Variants in ANKRD18A observed in about 807,000 individuals in gnomAD.
ANKRD18A encodes the protein ankyrin repeat domain 18A, also known as ankyrin repeat domain-containing protein 18A.
A neutral mutation model predicts 110.6 loss-of-function variants in ANKRD18A; 72 were observed. The ratio of observed to expected loss-of-function variants is 0.65; its 90% CI spans 0.54 to 0.79. The LOEUF is 0.79. ANKRD18A is among the 30% of genes least tolerant of loss of function. The probability of loss-of-function intolerance (pLI) is 0.00; values close to 1 mark genes in which losing one functional copy is unlikely to be tolerated. For missense variants in ANKRD18A, 934 were observed against 1,163.3 expected, an observed-to-expected ratio of 0.80 and a Z score of 2.87; for synonymous variants, 305 against 410.3, an observed-to-expected ratio of 0.74 and a Z score of 3.10.
chr9:38,620,038 G>A (rs1306169604), intron 1 of ANKRD18A, 42 bp downstream of exon 1: 7 of 1,545,274 alleles, frequency 4.5e-6, no homozygotes, highest in Non-Finnish European at 5.2e-6. Context: ...GGGAAGCCGG[G>A]CCTGCGGCCC....
intron 5 of ANKRD18A, among the ~76,000 whole-genome samples, chr9:38,607,905 T>C (rs569762234): frequency 6.6e-6 from 1 of 152,352 alleles, no homozygotes; most frequent in Non-Finnish European, 1.5e-5. Context: ...GAAAACATGT[T>C]TAAATGTTCA....
intron 1 of ANKRD18A, among the ~76,000 whole-genome samples, chr9:38,619,405 T>A (rs1825992457): frequency 6.6e-6 from 1 of 152,220 alleles, no homozygotes; most frequent in Non-Finnish European, 1.5e-5. Context: ...GATTTCCTGT[T>A]CTGTTCCATT....
intron 6 of ANKRD18A, among the ~76,000 whole-genome samples, chr9:38,603,502 T>A (rs1361995214): frequency 6.6e-6 from 1 of 152,172 alleles, no homozygotes. Flanking sequence ...CTACCATATG[T>A]TTTTTCTCAA....
In ANKRD18A at chr9:38,588,564, C is replaced by T; in HGVS notation, c.2104G>A (p.Glu702Lys). The change falls in exon 11 of 16, where the codon GAA becomes AAA. Residue 702 changes from glutamate (E) to lysine (K), a missense_variant. Transcript: ENST00000399703. ...QIRKKNRELE[E>K]EATGYKKCLE... is the part of the protein sequence containing the mutation. ...TGAAAACCATACCCAGTTGCCTCTTCTTCTAATTCACGATTTTTCTTTCTT... is the reference window on the plus strand; with the variant it reads ...TGAAAACCATACCCAGTTGCCTCTTTTTCTAATTCACGATTTTTCTTTCTT... 10 of 1,365,430 alleles carry T rather than the reference C, an allele frequency of 7.3e-6. No individual in the cohort carries two copies. The highest frequency in any genetic ancestry group is 1.9e-5 in the South Asian group (1 of 51,786). The allele number at this position is 1,365,430 out of a possible 1,614,324, so 84.6% of individuals were successfully genotyped here. A position where few individuals can be genotyped will look rare whatever the true frequency, so the allele number is the denominator to read the frequency against.
At chr9:38,591,670 T>C (rs1168635187) in intron 10 of ANKRD18A, among the ~76,000 whole-genome samples, 2 of 152,334 alleles carry the variant, frequency 1.3e-5, no homozygotes, top group South Asian at 2.1e-4. Context: ...ATAGATGCAC[T>C]GAATCATTCT....
chr9:38,587,155 G>A, intron 11 of ANKRD18A, among the ~76,000 whole-genome samples: 1 of 152,110 alleles, frequency 6.6e-6, no homozygotes, highest in East Asian at 1.9e-4. Flanking sequence ...AAAACGGGCA[G>A]TTTTAGAAAA....
intron 12 of ANKRD18A, among the ~76,000 whole-genome samples, chr9:38,581,734 A>C (rs115141324): frequency 1.3e-5 from 2 of 152,200 alleles, no homozygotes; most frequent in Non-Finnish European, 2.9e-5. Flanking sequence ...TTATACCGCA[A>C]TGCTTCTCTA....
chr9:38,575,666 T>C lies in ANKRD18A; in HGVS notation c.2774A>G (p.Lys925Arg). 1 of 1,551,846 alleles carries C rather than the reference T, an allele frequency of 6.4e-7. No individual in the cohort carries two copies. Among genetic ancestry groups the C allele is most frequent in the Non-Finnish European group, 8.7e-7 (1 of 1,146,876 alleles). Residue 925 changes from lysine (K) to arginine (R), a missense_variant, in exon 15 of 16, where the codon AAG (lysine) becomes AGG (arginine). Coordinates refer to ENST00000399703, the MANE Select transcript of ANKRD18A (RefSeq NM_147195.4). Reference sequence around the variant, plus strand: ...CATCCGCTGTTTCTCCGTAAAGAGCTTGGTGCTGATCACTGCTATTTTCTT... The same window carrying C: ...CATCCGCTGTTTCTCCGTAAAGAGCCTGGTGCTGATCACTGCTATTTTCTT... ...SDKKIAVIST[K>R]LFTEKQRMKY... is the part of the protein sequence containing the mutation.
chr9:38,579,245 A>C, intron 12 of ANKRD18A, among the ~76,000 whole-genome samples: 1 of 152,248 alleles, frequency 6.6e-6, no homozygotes, highest in Non-Finnish European at 1.5e-5. Flanking sequence ...TATTATAAGT[A>C]AACATAGGGA....
chr9:38,606,256 T>C (rs149022088), intron 6 of ANKRD18A, among the ~76,000 whole-genome samples: 1,581 of 152,242 alleles, frequency 0.01, 21 homozygotes, highest in Middle Eastern at 0.027. Flanking sequence ...ACGTTCTTAG[T>C]GACACAGATT....
intron 11 of ANKRD18A, 79 bp downstream of exon 11, chr9:38,588,472 A>G (rs1824483339): frequency 4.2e-6 from 4 of 948,974 alleles, no homozygotes; most frequent in East Asian, 3.3e-5. Flanking sequence ...ATGGATTTGT[A>G]TCAAAGTTTT....
At chr9:38,569,351 A>G, downstream of ANKRD18A, 1 of 985,188 alleles carries the variant, frequency 1.0e-6, no homozygotes, top group Non-Finnish European at 1.2e-6. Flanking sequence ...CCCACCCGAT[A>G]GCGACTGTCC....
intron 1 of ANKRD18A, among the ~76,000 whole-genome samples, chr9:38,618,560 A>G (rs1587552791): frequency 6.6e-6 from 1 of 152,324 alleles, no homozygotes; most frequent in South Asian, 2.1e-4. Flanking sequence ...TAAAGGGCAT[A>G]TACATTTTTA....
intron 8 of ANKRD18A, among the ~76,000 whole-genome samples, chr9:38,596,883 A>G (rs1482454129): frequency 6.6e-6 from 1 of 152,164 alleles, no homozygotes; most frequent in Non-Finnish European, 1.5e-5. Flanking sequence ...TTGTGATTTG[A>G]CTCAACATTT....
intron 3 of ANKRD18A, among the ~76,000 whole-genome samples, chr9:38,612,199 C>A (rs903941163): frequency 2.0e-5 from 3 of 152,124 alleles, no homozygotes; most frequent in East Asian, 3.9e-4. Flanking sequence ...TTTATCTTAA[C>A]TATTAGAAAG....
intron 5 of ANKRD18A, among the ~76,000 whole-genome samples, chr9:38,609,852 G>A (rs1304216010): frequency 4.6e-5 from 7 of 151,520 alleles, no homozygotes; most frequent in African/African-American, 9.7e-5. Context: ...GAAAAGTCAG[G>A]CCAGGCATGG....
chr9:38,586,403 A>G, intron 11 of ANKRD18A, 91 bp from the exon 12 acceptor site: 1 of 1,180,270 alleles, frequency 8.5e-7, no homozygotes, highest in Non-Finnish European at 1.2e-6. Context: ...GGCATATCAA[A>G]GAAACAAATC....
chr9:38,568,278 G>A, downstream of ANKRD18A: 1 of 152,484 alleles, frequency 6.6e-6, no homozygotes, highest in South Asian at 2.1e-4. Flanking sequence ...CGCACAGCCT[G>A]CTCCTGAGCC....
At chr9:38,612,734 G>A (rs1039149873) in intron 3 of ANKRD18A, among the ~76,000 whole-genome samples, 1 of 151,826 alleles carries the variant, frequency 6.6e-6, no homozygotes, top group African/African-American at 2.4e-5. Context: ...AGCCAGGATG[G>A]TCTCCATCTC....
Sources: gnomAD v4.1 joint callset for allele counts (sites outside exome capture counted in the v4.1 genomes callset) on GRCh38, gnomAD v4.1.1 for gene constraint, MANE v1.5 for transcripts, NCBI Gene and HGNC (gene_info 2026-07-23, HGNC 2026-07-21) for gene names.